MANBAL: variants seen among roughly 807,000 people sequenced by gnomAD.
MANBAL encodes mannosidase beta like.
In MANBAL, 1 loss-of-function variant was observed where a neutral mutation model predicts 6.4. The observed-to-expected ratio is 0.16, with a 90% confidence interval of 0.06 to 0.74. The LOEUF is 0.74. Ranked by LOEUF, MANBAL falls within the 30% of genes least tolerant of loss-of-function variation. The pLI is 0.78. For synonymous variants in MANBAL, 47 were observed against 45.8 expected, an observed-to-expected ratio of 1.03 and a Z score of -0.10; for missense variants, 100 against 107.8, an observed-to-expected ratio of 0.93 and a Z score of 0.32.
intron 2 of MANBAL, among the ~76,000 whole-genome samples, chr20:37,312,093 G>T (rs555608731): frequency 6.6e-6 from 1 of 152,304 alleles, no homozygotes; most frequent in South Asian, 2.1e-4. Flanking sequence ...CTGAGGTAGG[G>T]AAGAGAGGAG....
rs1004382564 is a variant in MANBAL at position 37,289,665 on chromosome 20, G to T, written c.-78G>T. 1.3e-5 allele frequency: 2 copies of T among 152,660 alleles called. No individual in the cohort carries two copies. Among genetic ancestry groups the T allele is most frequent in the African/African-American group, 4.8e-5 (2 of 41,458 alleles). 9.5% of individuals were successfully genotyped at this position (152,660 alleles called of 1,614,324 possible). On this transcript the variant is annotated 5_prime_UTR_variant, in exon 1 of 3. Coordinates refer to ENST00000373606, the MANE Select transcript of MANBAL (RefSeq NM_001003897.2). ...GGGTCGCAGGGAACTACTTCCGGGG[G>T]AGCGGCGCGGCGGCGCGGGAGGTGA...
intron 1 of MANBAL, among the ~76,000 whole-genome samples, chr20:37,291,065 C>CT (rs1336121588): frequency 6.6e-6 from 1 of 152,090 alleles, no homozygotes; most frequent in Non-Finnish European, 1.5e-5. Flanking sequence ...GTCGTGAAAT[C>CT]TGAGTTTTTC....
intron 2 of MANBAL, among the ~76,000 whole-genome samples, chr20:37,313,348 G>A (rs992652685): frequency 6.6e-6 from 1 of 151,644 alleles, no homozygotes; most frequent in South Asian, 2.1e-4. Context: ...TCCAGCCTGG[G>A]CGACAGAGCG....
At chr20:37,308,608 G>C (rs2069312592) in intron 2 of MANBAL, among the ~76,000 whole-genome samples, 1 of 152,154 alleles carries the variant, frequency 6.6e-6, no homozygotes, top group Non-Finnish European at 1.5e-5. Flanking sequence ...TATATGCCTA[G>C]GCACATTTTC....
chr20:37,294,015 G>A (rs145937127), intron 1 of MANBAL, among the ~76,000 whole-genome samples: 5 of 152,270 alleles, frequency 3.3e-5, no homozygotes, highest in East Asian at 1.9e-4. Context: ...GCAAACTGCC[G>A]GGCTCAAGCA....
chr20:37,303,035 C>A (rs1420902307), intron 2 of MANBAL, among the ~76,000 whole-genome samples: 1 of 152,216 alleles, frequency 6.6e-6, no homozygotes, highest in Non-Finnish European at 1.5e-5. Context: ...GCTTCAGCCT[C>A]CCAAGTAGCT....
chr20:37,292,158 A>G (rs2068885997), intron 1 of MANBAL, among the ~76,000 whole-genome samples: 1 of 152,234 alleles, frequency 6.6e-6, no homozygotes, highest in Non-Finnish European at 1.5e-5. Context: ...CATTATGTAC[A>G]GCACACATTT....
intron 2 of MANBAL, among the ~76,000 whole-genome samples, chr20:37,310,986 T>C (rs1158564320): frequency 6.6e-6 from 1 of 152,170 alleles, no homozygotes; most frequent in African/African-American, 2.4e-5. Flanking sequence ...CTACAGGCCC[T>C]GTGTGGCTGG....
At chr20:37,308,746 T>G (rs747183902) in intron 2 of MANBAL, among the ~76,000 whole-genome samples, 2 of 151,758 alleles carry the variant, frequency 1.3e-5, no homozygotes, top group South Asian at 4.2e-4. Context: ...CCGGATCGAT[T>G]TCTACACAGA....
chr20:37,316,364 T>C lies in MANBAL; in HGVS notation c.207T>C (p.Ala69=). The change falls in exon 3 of 3, where the codon GCT becomes GCC. Residue 69 remains alanine, a synonymous_variant. Transcript: ENST00000373606. The part of the protein sequence containing the change: ...SAEVTRKPKA[A]VPSVNKRPKK... ...AGGTGACGAGGAAGCCCAAGGCTGC[T>C]GTTCCTTCTGTGAACAAGAGGCCCA... 1.2e-6 allele frequency: 2 copies of C among 1,613,984 alleles called. No homozygotes were observed. The highest frequency in any genetic ancestry group is 1.7e-6 in the Non-Finnish European group (2 of 1,179,934).
At chr20:37,315,949 A>G (rs984605913) in intron 2 of MANBAL, among the ~76,000 whole-genome samples, 5 of 152,368 alleles carry the variant, frequency 3.3e-5, no homozygotes, top group African/African-American at 9.6e-5. Context: ...GCCTCCTCAC[A>G]TCAGCCCTGT....
intron 1 of MANBAL, among the ~76,000 whole-genome samples, chr20:37,296,713 T>C (rs895341797): frequency 6.6e-6 from 1 of 152,244 alleles, no homozygotes; most frequent in Non-Finnish European, 1.5e-5. Flanking sequence ...AAGTAAGTTA[T>C]TCAGTCAAAG....
intron 1 of MANBAL, among the ~76,000 whole-genome samples, chr20:37,292,232 C>A (rs1282885678): frequency 6.6e-6 from 1 of 152,142 alleles, no homozygotes; most frequent in Non-Finnish European, 1.5e-5. Context: ...ATTTGGAGTT[C>A]TCTGTGGGAA....
chr20:37,295,004 G>C (rs183383252), intron 1 of MANBAL, among the ~76,000 whole-genome samples: 102 of 152,314 alleles, frequency 6.7e-4, no homozygotes, highest in African/African-American at 1.9e-3. Flanking sequence ...TTCTGATGGG[G>C]TATGAAAGTC....
chr20:37,305,145 G>T (rs1477741739), intron 2 of MANBAL, among the ~76,000 whole-genome samples: 1 of 152,218 alleles, frequency 6.6e-6, no homozygotes, highest in African/African-American at 2.4e-5. Context: ...ACCCACAATT[G>T]TATCGCATTT....
chr20:37,306,744 A>G (rs1478183879), intron 2 of MANBAL, among the ~76,000 whole-genome samples: 1 of 152,104 alleles, frequency 6.6e-6, no homozygotes, highest in Admixed American at 6.5e-5. Flanking sequence ...CCATGGTGAA[A>G]AGGATTCTGG....
chr20:37,315,712 C>A (rs2069496955), intron 2 of MANBAL, among the ~76,000 whole-genome samples: 1 of 152,238 alleles, frequency 6.6e-6, no homozygotes, highest in East Asian at 1.9e-4. Context: ...CTCCGCAGAA[C>A]ACAGTGTGGG....
chr20:37,307,020 G>T (rs1333720442), intron 2 of MANBAL, among the ~76,000 whole-genome samples: 4 of 152,214 alleles, frequency 2.6e-5, no homozygotes, highest in African/African-American at 9.6e-5. Flanking sequence ...CTGGAGTGCA[G>T]TGGCACAATC....
chr20:37,302,794 C>G (rs1225794546), intron 2 of MANBAL, among the ~76,000 whole-genome samples: 1 of 150,654 alleles, frequency 6.6e-6, no homozygotes, highest in East Asian at 1.9e-4. Flanking sequence ...CACTTATCTG[C>G]CATTAATTTG....
Sources: gnomAD v4.1 joint callset for allele counts (sites outside exome capture counted in the v4.1 genomes callset) on GRCh38, gnomAD v4.1.1 for gene constraint, MANE v1.5 for transcripts, NCBI Gene and HGNC (gene_info 2026-07-23, HGNC 2026-07-21) for gene names.